The following NDUFAF2 variants were observed in gnomAD, a reference collection of about 807,000 sequenced individuals.
NDUFAF2 encodes the protein NADH:ubiquinone oxidoreductase complex assembly factor 2.
Under a neutral mutation model 22.8 loss-of-function variants are expected in NDUFAF2, and 13 were observed. The observed-to-expected ratio is 0.57, with a 90% confidence interval of 0.37 to 0.91. NDUFAF2 has a LOEUF of 0.91. Ranked by LOEUF, NDUFAF2 falls within the 40% of genes least tolerant of loss-of-function variation. The probability of loss-of-function intolerance (pLI) is 0.01; values close to 1 mark genes in which losing one functional copy is unlikely to be tolerated. For missense variants in NDUFAF2, 162 were observed against 195.2 expected, an observed-to-expected ratio of 0.83 and a Z score of 1.01; for synonymous variants, 53 against 64.2, an observed-to-expected ratio of 0.83 and a Z score of 0.84.
At chr5:61,064,981 G>GA (rs200574099) in intron 1 of NDUFAF2, among the ~76,000 whole-genome samples, 1 of 150,076 alleles carries the variant, frequency 6.7e-6, no homozygotes, top group African/African-American at 2.4e-5. Flanking sequence ...ACCAGTCTAA[G>GA]AAAAAAAAAT....
chr5:61,136,916 G>A (rs995407821), intron 3 of NDUFAF2, among the ~76,000 whole-genome samples: 1 of 152,144 alleles, frequency 6.6e-6, no homozygotes, highest in African/African-American at 2.4e-5. Flanking sequence ...TATATAAGGT[G>A]AATATGGTCC....
At chr5:60,950,944 T>A (rs1750536559) in intron 1 of NDUFAF2, among the ~76,000 whole-genome samples, 1 of 152,170 alleles carries the variant, frequency 6.6e-6, no homozygotes, top group Non-Finnish European at 1.5e-5. Context: ...TAGTATGTGA[T>A]CTTTTCAGAC....
intron 1 of NDUFAF2, among the ~76,000 whole-genome samples, chr5:60,956,153 G>A (rs999567475): frequency 3.3e-5 from 5 of 151,944 alleles, no homozygotes; most frequent in Non-Finnish European, 5.9e-5. Flanking sequence ...CACCTGCCTC[G>A]GCCTCCCAAA....
intron 1 of NDUFAF2, among the ~76,000 whole-genome samples, chr5:60,955,348 T>C (rs1750601085): frequency 6.6e-6 from 1 of 152,214 alleles, no homozygotes; most frequent in African/African-American, 2.4e-5. Context: ...TGTGTGTTCT[T>C]GGCATAATTG....
At chr5:61,056,889 CAAAAAAAAAAAAAA>C (rs144850054) in intron 1 of NDUFAF2, among the ~76,000 whole-genome samples, 4 of 46,794 alleles carry the variant, frequency 8.5e-5, no homozygotes, top group African/African-American at 4.1e-4. Context: ...ACTCTGTCTC[CAAAAAAAAAAAAAA>C]AAAAAAAAAA....
chr5:61,012,036 C>A (rs996103010), intron 1 of NDUFAF2, among the ~76,000 whole-genome samples: 1 of 152,244 alleles, frequency 6.6e-6, no homozygotes, highest in East Asian at 1.9e-4. Context: ...ACTCAATTAA[C>A]GTCTTTAAAG....
chr5:61,117,594 G>T (rs1014401808), intron 3 of NDUFAF2, among the ~76,000 whole-genome samples: 1 of 151,934 alleles, frequency 6.6e-6, no homozygotes, highest in South Asian at 2.1e-4. Flanking sequence ...AGACTCAAGC[G>T]ATCTTCCCAC....
intron 1 of NDUFAF2, among the ~76,000 whole-genome samples, chr5:60,966,015 A>G (rs1055816319): frequency 6.6e-6 from 1 of 151,594 alleles, no homozygotes; most frequent in Non-Finnish European, 1.5e-5. Flanking sequence ...TTTTCTCTAC[A>G]TTGTCGACAA....
At chr5:60,965,077 A>G (rs1750736946) in intron 1 of NDUFAF2, among the ~76,000 whole-genome samples, 2 of 152,308 alleles carry the variant, frequency 1.3e-5, no homozygotes, top group Middle Eastern at 3.4e-3. Context: ...ACACACTAAC[A>G]TAATTAGAAT....
chr5:60,950,785 C>T (rs1750534485), intron 1 of NDUFAF2, among the ~76,000 whole-genome samples: 1 of 151,942 alleles, frequency 6.6e-6, no homozygotes, highest in Non-Finnish European at 1.5e-5. Context: ...TATTCCTGCT[C>T]CCCCAATGCA....
intron 1 of NDUFAF2, among the ~76,000 whole-genome samples, chr5:60,947,214 C>G (rs2112560336): frequency 6.6e-6 from 1 of 152,276 alleles, no homozygotes; most frequent in East Asian, 1.9e-4. Flanking sequence ...TTCAAAGTGG[C>G]TGTACCATTT....
intron 1 of NDUFAF2, among the ~76,000 whole-genome samples, chr5:60,948,173 C>G (rs1018528020): frequency 1.3e-5 from 2 of 152,162 alleles, no homozygotes; most frequent in African/African-American, 4.8e-5. Flanking sequence ...CATCTGATTT[C>G]TGACACTATA....
chr5:61,027,192 T>C (rs377118168), intron 1 of NDUFAF2, among the ~76,000 whole-genome samples: 14 of 151,874 alleles, frequency 9.2e-5, no homozygotes, highest in Non-Finnish European at 2.1e-4. Context: ...ATTACAGTTG[T>C]TTTGTTATGT....
At chr5:61,014,145 C>T (rs1042794606) in intron 1 of NDUFAF2, among the ~76,000 whole-genome samples, 13 of 152,230 alleles carry the variant, frequency 8.5e-5, no homozygotes, top group African/African-American at 3.1e-4. Flanking sequence ...TTGAGATTTA[C>T]AGCCTTACCC....
At chr5:61,062,218 G>T (rs1752173442) in intron 1 of NDUFAF2, among the ~76,000 whole-genome samples, 1 of 152,124 alleles carries the variant, frequency 6.6e-6, no homozygotes, top group South Asian at 2.1e-4. Context: ...CCAAAGAAAT[G>T]GAAGTTTACT....
chr5:60,977,273 C>G (rs1750915194), intron 1 of NDUFAF2, among the ~76,000 whole-genome samples: 1 of 151,570 alleles, frequency 6.6e-6, no homozygotes, highest in African/African-American at 2.4e-5. Flanking sequence ...ACAAAAAATA[C>G]AAAACATTAG....
intron 2 of NDUFAF2, among the ~76,000 whole-genome samples, chr5:61,073,724 C>G (rs548338092): frequency 2.6e-4 from 40 of 152,260 alleles, no homozygotes; most frequent in African/African-American, 9.1e-4. Flanking sequence ...TGCTCGATCC[C>G]TTTCCTAAGA....
intron 2 of NDUFAF2, among the ~76,000 whole-genome samples, chr5:61,074,549 T>G (rs1461050802): frequency 6.6e-6 from 1 of 151,652 alleles, no homozygotes; most frequent in East Asian, 1.9e-4. Flanking sequence ...ATCACGCCAC[T>G]GCACTCCAGC....
chr5:61,007,696 T>C (rs162236), intron 1 of NDUFAF2, among the ~76,000 whole-genome samples: 22,566 of 152,112 alleles, frequency 0.15, 2,121 homozygotes, highest in South Asian at 0.28. Context: ...ACTTTTACAC[T>C]GTTGGTGGGA....
Sources: allele counts gnomAD v4.1 joint callset (sites outside exome capture counted in the v4.1 genomes callset), GRCh38; gene constraint gnomAD v4.1.1; transcripts MANE v1.5; gene names NCBI Gene and HGNC (gene_info 2026-07-23, HGNC 2026-07-21).